The following LARP1B variants were observed in gnomAD, a reference collection of about 807,000 sequenced individuals.
The protein encoded by LARP1B is la-related protein 1B.
A neutral mutation model predicts 114.2 loss-of-function variants in LARP1B; 76 were observed. That is an observed-to-expected ratio of 0.67 (90% CI 0.55 to 0.81). LARP1B has a LOEUF of 0.81. LARP1B is among the 30% of genes least tolerant of loss of function. The pLI is 0.00. For missense variants in LARP1B, 1,014 were observed against 1,075.8 expected, an observed-to-expected ratio of 0.94 and a Z score of 0.80; for synonymous variants, 345 against 348.0, an observed-to-expected ratio of 0.99 and a Z score of 0.10.
intron 11 of LARP1B, among the ~76,000 whole-genome samples, chr4:128,127,774 C>T (rs982045625): frequency 4.6e-5 from 7 of 152,142 alleles, no homozygotes; most frequent in Non-Finnish European, 7.4e-5. Context: ...GTGGAGGTTG[C>T]AGTGAGCCGA....
chr4:128,098,306 T>C lies in LARP1B; in HGVS notation c.789T>C (p.Thr263=). ...IAGFQRVQAL[T]TNLNLILEAL... is the part of the protein sequence containing the mutation. ...GTTTTCAGCGTGTTCAGGCTCTCAC[T>C]ACAAACCTTAATCTCATCTTAGAGG... The change falls in exon 8 of 20, where the codon ACT becomes ACC. Residue 263 remains threonine (T), a synonymous_variant. Coordinates refer to ENST00000326639, the MANE Select transcript of LARP1B (RefSeq NM_018078.4). 1 of 1,613,610 alleles carries C rather than the reference T, an allele frequency of 6.2e-7. No homozygotes were observed. Among genetic ancestry groups the C allele is most frequent in the Non-Finnish European group, 8.5e-7 (1 of 1,179,702 alleles).
At chr4:128,134,926 G>A (rs560101019) in intron 11 of LARP1B, among the ~76,000 whole-genome samples, 194 of 151,998 alleles carry the variant, frequency 1.3e-3, no homozygotes, top group African/African-American at 4.1e-3. Flanking sequence ...CCAACATGGC[G>A]AAACTCCATC....
At chr4:128,115,788 T>G (rs1785587360) in intron 10 of LARP1B, among the ~76,000 whole-genome samples, 1 of 152,188 alleles carries the variant, frequency 6.6e-6, no homozygotes, top group Non-Finnish European at 1.5e-5. Context: ...CCTGACTTAC[T>G]GGGATTACAG....
intron 12 of LARP1B, among the ~76,000 whole-genome samples, chr4:128,166,877 C>A (rs1741066033): frequency 6.7e-6 from 1 of 148,636 alleles, no homozygotes; most frequent in Non-Finnish European, 1.5e-5. Context: ...CAGTTTCATC[C>A]ATGTTGTAGC....
intron 1 of LARP1B, among the ~76,000 whole-genome samples, chr4:128,071,074 T>G (rs1765115089): frequency 6.6e-6 from 1 of 152,046 alleles, no homozygotes. Flanking sequence ...TGAGACAGAG[T>G]CTCGCTCTGT....
intron 11 of LARP1B, among the ~76,000 whole-genome samples, chr4:128,160,266 A>G (rs1032675225): frequency 1.3e-5 from 2 of 152,230 alleles, no homozygotes; most frequent in African/African-American, 4.8e-5. Flanking sequence ...ACGTACATGG[A>G]TCAGTCTCAT....
At chr4:128,123,951 T>C (rs1026432620) in intron 11 of LARP1B, 5 of 152,468 alleles carry the variant, frequency 3.3e-5, no homozygotes, top group African/African-American at 1.2e-4. Flanking sequence ...ATTGCAGATA[T>C]GTCTTACTTT....
chr4:128,089,634 C>T (rs1010876126), intron 5 of LARP1B, among the ~76,000 whole-genome samples: 2 of 152,116 alleles, frequency 1.3e-5, no homozygotes, highest in African/African-American at 2.4e-5. Context: ...CCGCACCCGG[C>T]TAATGTTCTA....
At chr4:128,086,138 G>A (rs1353219128) in intron 5 of LARP1B, among the ~76,000 whole-genome samples, 1 of 150,952 alleles carries the variant, frequency 6.6e-6, no homozygotes, top group Non-Finnish European at 1.5e-5. Context: ...TGAGTAGCTG[G>A]GACTACAAGC....
chr4:128,082,062 A>G lies in LARP1B; in HGVS notation c.218-103A>G, dbSNP rs1561102521. 3.8e-6 allele frequency: 4 copies of G among 1,061,474 alleles called. No homozygotes were observed. The African/African-American group carries it at 6.4e-5, about 17-fold the overall frequency. 65.8% of individuals were successfully genotyped at this position (1,061,474 alleles called of 1,614,324 possible). On this transcript the variant is annotated intron_variant, in intron 4 of 19. Transcript: ENST00000326639. The stretch of plus-strand genomic sequence containing the variant: ...CTTTACAAATAATCTTAAAATACAC[A>G]TTAAGTGTTTCACTTATTTGATTAA...
intron 8 of LARP1B, among the ~76,000 whole-genome samples, chr4:128,100,518 C>T (rs901045077): frequency 4.0e-5 from 6 of 151,710 alleles, no homozygotes; most frequent in South Asian, 2.1e-4. Flanking sequence ...ATGATCTGCC[C>T]GCCTCAGCCT....
intron 7 of LARP1B, chr4:128,222,246 A>C (rs1760087240): frequency 6.7e-6 from 3 of 447,246 alleles, no homozygotes; most frequent in Non-Finnish European, 9.1e-6. Flanking sequence ...AAGTGACAAG[A>C]GCATGATTTC....
intron 1 of LARP1B, among the ~76,000 whole-genome samples, chr4:128,063,578 A>G (rs994809227): frequency 3.2e-4 from 48 of 149,452 alleles, no homozygotes; most frequent in African/African-American, 1.0e-3. Flanking sequence ...TCAGGAGTTC[A>G]AGACCATCCT....
chr4:128,087,045 G>A (rs959558516), intron 5 of LARP1B, among the ~76,000 whole-genome samples: 11 of 151,928 alleles, frequency 7.2e-5, no homozygotes, highest in Non-Finnish European at 1.6e-4. Context: ...TCAGCCTCCC[G>A]AGTAGCTGGG....
At chr4:128,196,688 A>G (rs1205347847) in intron 15 of LARP1B, among the ~76,000 whole-genome samples, 1 of 151,954 alleles carries the variant, frequency 6.6e-6, no homozygotes, top group African/African-American at 2.4e-5. Flanking sequence ...TCTACCAGCT[A>G]TACCACTCTT....
chr4:128,088,554 G>T (rs900828163), intron 5 of LARP1B, among the ~76,000 whole-genome samples: 15 of 151,868 alleles, frequency 9.9e-5, no homozygotes, highest in African/African-American at 3.6e-4. Context: ...TGATATTAAG[G>T]TACTACCACG....
intron 7 of LARP1B, among the ~76,000 whole-genome samples, chr4:128,096,726 G>A (rs986894542): frequency 6.6e-6 from 1 of 151,340 alleles, no homozygotes; most frequent in Admixed American, 6.6e-5. Context: ...TCAACCTCCC[G>A]AGTAGCTGGG....
chr4:128,206,632 G>T, intron 18 of LARP1B, 95 bp downstream of exon 18: 1 of 1,477,408 alleles, frequency 6.8e-7, no homozygotes. Context: ...TTTTTCTTCA[G>T]GGCAAACCAT....
chr4:128,088,203 A>AATGATG (rs35874685), intron 5 of LARP1B, among the ~76,000 whole-genome samples: 11 of 150,954 alleles, frequency 7.3e-5, no homozygotes, highest in African/African-American at 2.7e-4. Flanking sequence ...AATCAATAAT[A>AATGATG]ATGATGATGA....
Sources: allele counts gnomAD v4.1 joint callset (sites outside exome capture counted in the v4.1 genomes callset), GRCh38; gene constraint gnomAD v4.1.1; transcripts MANE v1.5; gene names NCBI Gene and HGNC (gene_info 2026-07-23, HGNC 2026-07-21).